The following MCOLN2 variants were observed in gnomAD, a reference collection of about 807,000 sequenced individuals.
MCOLN2 encodes mucolipin-2.
A neutral mutation model predicts 67.5 loss-of-function variants in MCOLN2; 57 were observed. The ratio of observed to expected loss-of-function variants is 0.84; its 90% CI spans 0.68 to 1.05. The LOEUF is 1.05. Among genes scored for constraint, MCOLN2 ranks in the 50% least tolerant of loss-of-function variants. The pLI is 0.00. For missense variants in MCOLN2, 620 were observed against 678.8 expected, an observed-to-expected ratio of 0.91 and a Z score of 0.96; for synonymous variants, 246 against 233.3, an observed-to-expected ratio of 1.05 and a Z score of -0.50.
chr1:84,980,572 G>A (rs939900568), intron 1 of MCOLN2, among the ~76,000 whole-genome samples: 4 of 152,132 alleles, frequency 2.6e-5, no homozygotes, highest in African/African-American at 9.7e-5. Flanking sequence ...ACATAAACTG[G>A]GGAAAAGGCA....
At chr1:84,989,420 G>A (rs181624662) in intron 1 of MCOLN2, among the ~76,000 whole-genome samples, 3 of 152,188 alleles carry the variant, frequency 2.0e-5, no homozygotes, top group Admixed American at 2.0e-4. Flanking sequence ...TGCCTGGTTT[G>A]CTGATGATAG....
intron 1 of MCOLN2, among the ~76,000 whole-genome samples, chr1:84,987,574 A>ATACATCTATGTC (rs1650652498): frequency 1.1e-5 from 1 of 87,002 alleles, no homozygotes; most frequent in African/African-American, 4.1e-5. Flanking sequence ...ACATAGATGT[A>ATACATCTATGTC]TACATAGATA....
intron 7 of MCOLN2, among the ~76,000 whole-genome samples, chr1:84,943,310 T>A (rs1378671905): frequency 6.6e-6 from 1 of 151,962 alleles, no homozygotes; most frequent in African/African-American, 2.4e-5. Flanking sequence ...CAAACTGAGT[T>A]TACTCTGGAT....
rs780136238 is a variant in MCOLN2, at chr1:84,940,981, AT to A, written c.857del (p.Asn286MetfsTer14). On this transcript the variant is annotated frameshift_variant, in exon 8 of 14. Transcript: ENST00000370608. LOFTEE classifies it high-confidence loss of function. The part of the protein sequence containing the change: ...DLNIFGSTQK[N>X]AQYVLVFDAF... ...CATCAAACACCAGGACATACTGAGC[AT>A]TTTTCTGAGCTGAGGAATAAAACAG... 3.1e-6 allele frequency: 5 copies of A among 1,610,678 alleles called. No homozygotes were observed. In the African/African-American group the frequency reaches 6.7e-5, roughly 22 times the overall value.
At chr1:84,948,161 C>A (rs987635910) in intron 6 of MCOLN2, among the ~76,000 whole-genome samples, 2 of 152,228 alleles carry the variant, frequency 1.3e-5, no homozygotes, top group South Asian at 4.1e-4. Flanking sequence ...ACCAGCTGGG[C>A]AGCAATTGCC....
chr1:84,958,199 G>T (rs540606223), intron 3 of MCOLN2, among the ~76,000 whole-genome samples: 1 of 152,108 alleles, frequency 6.6e-6, no homozygotes, highest in Non-Finnish European at 1.5e-5. Context: ...GAGTCACTAC[G>T]CCAGGCTGGA....
At chr1:84,994,345 C>G (rs999802556) in intron 1 of MCOLN2, among the ~76,000 whole-genome samples, 1 of 122,366 alleles carries the variant, frequency 8.2e-6, no homozygotes, top group African/African-American at 2.7e-5. Context: ...AAATCAGATG[C>G]TGGCTTGTCC....
chr1:84,964,533 G>T (rs1047044584), intron 2 of MCOLN2, among the ~76,000 whole-genome samples: 3 of 147,854 alleles, frequency 2.0e-5, no homozygotes, highest in African/African-American at 7.4e-5. Context: ...GAGTGGGGGG[G>T]GGTGGGTAAT....
At chr1:84,960,841 T>G (rs1037814987) in intron 2 of MCOLN2, among the ~76,000 whole-genome samples, 4 of 152,264 alleles carry the variant, frequency 2.6e-5, no homozygotes, top group East Asian at 1.9e-4. Flanking sequence ...TCAATCAAAG[T>G]TTGCTGAGTG....
chr1:84,931,207 A>G lies in MCOLN2; in HGVS notation c.1542+155T>C, dbSNP rs138718350. On this transcript the variant is annotated intron_variant, in intron 12 of 13. Transcript: ENST00000370608. ...CACCCTGCTGTGGGTAACAGGGACA[A>G]TGCCCTAAAATTCATCTCCAGCGTC... Among the ~76,000 whole-genome samples the G allele has an allele frequency of 2.1e-4, 32 of 152,270 alleles. No homozygotes were observed. The East Asian group carries it at 5.0e-3, about 24-fold the overall frequency.
chr1:84,978,889 A>C (rs1299947418), intron 1 of MCOLN2, among the ~76,000 whole-genome samples: 1 of 152,162 alleles, frequency 6.6e-6, no homozygotes, highest in Non-Finnish European at 1.5e-5. Flanking sequence ...GTCCCACAAT[A>C]AGCCATCTGC....
rs778596055 is a variant in MCOLN2, at chr1:84,939,752, GGAA to G, written c.961-53_961-51del. The G allele has an allele frequency of 1.9e-5, 30 of 1,590,198 alleles. 1 individual carries two copies. The African/African-American group carries it at 2.0e-4, about 11-fold the overall frequency. ...TTTCTTACAAACCACACTGCCCTCT[GGAA>G]GAAGAAGGCAAGTGCAAAACAGTGC... On this transcript the variant is annotated intron_variant, in intron 8 of 13. Coordinates refer to ENST00000370608, the MANE Select transcript of MCOLN2 (RefSeq NM_153259.4).
At chr1:84,985,485 C>T (rs538615700) in intron 1 of MCOLN2, among the ~76,000 whole-genome samples, 1 of 152,292 alleles carries the variant, frequency 6.6e-6, no homozygotes, top group African/African-American at 2.4e-5. Context: ...ATTTGCATCT[C>T]CAGCAAATCT....
intron 4 of MCOLN2, among the ~76,000 whole-genome samples, chr1:84,955,007 T>C (rs1471602439): frequency 6.6e-6 from 1 of 152,104 alleles, no homozygotes; most frequent in Non-Finnish European, 1.5e-5. Context: ...AATCCCCACA[T>C]GTTGTGAGAG....
intron 6 of MCOLN2, 35 bp downstream of exon 6, chr1:84,952,204 AAAAT>A: frequency 1.4e-6 from 2 of 1,443,926 alleles, no homozygotes; most frequent in Non-Finnish European, 1.9e-6. Context: ...GTGTAGGAAA[AAAAT>A]AAAAGGAAGT....
chr1:84,941,606 T>C (rs1222970512), intron 7 of MCOLN2, among the ~76,000 whole-genome samples: 2 of 152,228 alleles, frequency 1.3e-5, no homozygotes, highest in African/African-American at 2.4e-5. Context: ...CAACAGAAAG[T>C]GATCCATTTG....
At chr1:84,944,073 TA>T (rs1647951889) in intron 7 of MCOLN2, among the ~76,000 whole-genome samples, 1 of 152,078 alleles carries the variant, frequency 6.6e-6, no homozygotes. Context: ...GACATAAAAC[TA>T]GAACACAAAT....
intron 8 of MCOLN2, among the ~76,000 whole-genome samples, chr1:84,940,675 G>A (rs1373503590): frequency 6.6e-6 from 1 of 152,190 alleles, no homozygotes; most frequent in East Asian, 1.9e-4. Flanking sequence ...ATAATTATCT[G>A]ATCCCACTTG....
In MCOLN2 at chr1:84,926,750, G is replaced by C; in HGVS notation, c.1665-29C>G. The C allele has an allele frequency of 3.2e-6, 5 of 1,559,980 alleles. No homozygotes were observed. The South Asian group carries it at 5.8e-5, about 18-fold the overall frequency. Reference sequence around the variant, plus strand: ...TAACAGAAAGGGAAAGAAGAAAAGAGGAAAGATACAATACTTTAACATCTT... The same window carrying C: ...TAACAGAAAGGGAAAGAAGAAAAGACGAAAGATACAATACTTTAACATCTT... On this transcript the variant is annotated intron_variant, in intron 13 of 13. Coordinates refer to ENST00000370608, the MANE Select transcript of MCOLN2 (RefSeq NM_153259.4).
Sources: allele counts gnomAD v4.1 joint callset (sites outside exome capture counted in the v4.1 genomes callset), GRCh38; gene constraint gnomAD v4.1.1; transcripts MANE v1.5; gene names NCBI Gene and HGNC (gene_info 2026-07-23, HGNC 2026-07-21).